ZNF227: variants seen among roughly 807,000 people sequenced by gnomAD.
ZNF227 encodes zinc finger protein 227.
ZNF227 carries 12 observed loss-of-function variants against 13.2 expected under a neutral mutation model. That is an observed-to-expected ratio of 0.91 (90% CI 0.58 to 1.47). The LOEUF is 1.47. Ranked by LOEUF, ZNF227 falls within the 40% of genes most tolerant of loss-of-function variation. ZNF227 has a pLI of 0.00. For synonymous variants in ZNF227, 338 were observed against 326.0 expected (o/e 1.04, Z -0.40); for missense variants, 885 against 967.5 (o/e 0.91, Z 1.13).
At chr19:44,217,529 G>A in intron 2 of ZNF227, 2 of 656,844 alleles carry the variant, frequency 3.0e-6, no homozygotes, top group South Asian at 3.0e-5. Flanking sequence ...GCCCTCATAT[G>A]TTGTTACATT....
In ZNF227 at chr19:44,236,483, G is replaced by GA; in HGVS notation, c.2058dup (p.Pro687ThrfsTer5). 1 of 1,614,030 alleles carries GA rather than the reference G, an allele frequency of 6.2e-7. No individual in the cohort carries two copies. On this transcript the variant is annotated frameshift_variant, in exon 6 of 6. Coordinates refer to ENST00000313040, the MANE Select transcript of ZNF227 (RefSeq NM_182490.3). LOFTEE classifies it low-confidence loss of function (END_TRUNC). ...ATACCATCAGAGAGGCCACACTGGA[G>GA]AAAAACCTTACAAATGTGAAGAGTG...
intron 3 of ZNF227, among the ~76,000 whole-genome samples, chr19:44,223,550 G>A (rs1409026188): frequency 1.1e-4 from 17 of 152,252 alleles, no homozygotes; most frequent in Admixed American, 4.6e-4. Context: ...ATTTATTTGC[G>A]TAGAGGTGTT....
At chr19:44,223,082 G>T (rs1323073043) in intron 3 of ZNF227, among the ~76,000 whole-genome samples, 1 of 152,214 alleles carries the variant, frequency 6.6e-6, no homozygotes. Context: ...ATTTGCGTAT[G>T]TTGAACCAGC....
intron 2 of ZNF227, chr19:44,213,800 A>G (rs1475077848): frequency 1.3e-5 from 2 of 152,198 alleles, no homozygotes; most frequent in South Asian, 2.1e-4. Flanking sequence ...GCACTGATGA[A>G]TTTTGAATTT....
upstream of ZNF227, among the ~76,000 whole-genome samples, chr19:44,212,368 TTTTTTTTTTG>T (rs1435736809): frequency 1.4e-4 from 17 of 122,684 alleles, no homozygotes; most frequent in Admixed American, 1.4e-3. Flanking sequence ...CTCGCTCCGT[TTTTTTTTTTG>T]TTTTTTTTTT....
rs947319051 is a variant in ZNF227 at position 44,235,309 on chromosome 19, A to T, written c.879A>T (p.Gly293=). The change falls in exon 6 of 6, where the codon GGA becomes GGT. Residue 293 remains glycine (G), a synonymous_variant. Transcript: ENST00000313040. ...HLRTHQRIHP[G]EKLNRCHESG... ...GAACTCATCAGAGAATTCACCCAGGAGAGAAACTCAATAGATGTCATGAAT... is the reference window on the plus strand; with the variant it reads ...GAACTCATCAGAGAATTCACCCAGGTGAGAAACTCAATAGATGTCATGAAT... 1.2e-6 allele frequency: 2 copies of T among 1,614,088 alleles called. No individual in the cohort carries two copies. Among genetic ancestry groups the T allele is most frequent in the African/African-American group, 2.7e-5 (2 of 74,940 alleles).
At chr19:44,231,818 A>G (rs1207202341) in intron 5 of ZNF227, among the ~76,000 whole-genome samples, 1 of 152,222 alleles carries the variant, frequency 6.6e-6, no homozygotes, top group Non-Finnish European at 1.5e-5. Flanking sequence ...ATTTTTGGAC[A>G]TGTAAATATT....
intron 2 of ZNF227, 155 bp from the exon 3 acceptor site, chr19:44,217,636 A>G: frequency 2.4e-6 from 2 of 839,656 alleles, no homozygotes; most frequent in South Asian, 2.7e-5. Context: ...CTGAACTATC[A>G]TGCCATTTAG....
chr19:44,215,431 G>A (rs1971772148), intron 2 of ZNF227, among the ~76,000 whole-genome samples: 1 of 148,968 alleles, frequency 6.7e-6, no homozygotes, highest in Non-Finnish European at 1.5e-5. Context: ...TTTTCGTAGT[G>A]TCTTTTAGAA....
intron 3 of ZNF227, 106 bp from the exon 4 acceptor site, chr19:44,228,340 G>A: frequency 7.6e-7 from 1 of 1,324,476 alleles, no homozygotes; most frequent in South Asian, 1.5e-5. Context: ...GAGATCTCTT[G>A]GAATCTATAA....
chr19:44,218,835 A>T (rs532697747), intron 3 of ZNF227, among the ~76,000 whole-genome samples: 1 of 152,242 alleles, frequency 6.6e-6, no homozygotes, highest in East Asian at 1.9e-4. Flanking sequence ...CAGACAGAAC[A>T]AAAGAGTTTT....
At chr19:44,225,973 C>T (rs1379027857) in intron 3 of ZNF227, among the ~76,000 whole-genome samples, 2 of 152,154 alleles carry the variant, frequency 1.3e-5, no homozygotes, top group African/African-American at 4.8e-5. Flanking sequence ...TGTTAGTGTT[C>T]CTTCTAACAG....
In ZNF227 at chr19:44,234,926, A is replaced by AATC. The variant is rs746784064; in HGVS notation, c.498_500dup (p.Asn166_Gln167insHis). The AATC allele has an allele frequency of 1.1e-5, 17 of 1,613,040 alleles. No homozygotes were observed. The Admixed American group carries it at 2.8e-4, about 27-fold the overall frequency. On this transcript the variant is annotated inframe_insertion, in exon 6 of 6. Transcript: ENST00000313040. ...AGGAGATAGCTCTATTTATATTGAAAATCAAGAGTTTCCATTTTGGAGAAC... is the reference window on the plus strand; with the variant it reads ...AGGAGATAGCTCTATTTATATTGAAAATCATCAAGAGTTTCCATTTTGGAGAAC...
chr19:44,226,579 T>G (rs544070923), intron 3 of ZNF227, among the ~76,000 whole-genome samples: 4 of 152,302 alleles, frequency 2.6e-5, no homozygotes, highest in Non-Finnish European at 4.4e-5. Context: ...CTCCGAGCCA[T>G]GTGCAGGATA....
At chr19:44,212,319 G>A (rs1005826325), upstream of ZNF227, among the ~76,000 whole-genome samples, 12 of 150,264 alleles carry the variant, frequency 8.0e-5, no homozygotes, top group Non-Finnish European at 1.6e-4. Context: ...CGGGAGCTCC[G>A]AGAATTTTGT....
At chr19:44,224,019 T>C (rs1972827223) in intron 3 of ZNF227, among the ~76,000 whole-genome samples, 1 of 152,242 alleles carries the variant, frequency 6.6e-6, no homozygotes, top group Non-Finnish European at 1.5e-5. Context: ...CATTTTGTTA[T>C]ATACCCAGTA....
At chr19:44,212,673 A>C (rs370744844) in intron 1 of ZNF227, 88 bp downstream of exon 1, 2 of 151,998 alleles carry the variant, frequency 1.3e-5, no homozygotes, top group East Asian at 3.9e-4. Context: ...CAGTCTTGGG[A>C]TGGAGAGGTC....
chr19:44,220,570 C>T (rs2051059), intron 3 of ZNF227, among the ~76,000 whole-genome samples: 66,591 of 151,886 alleles, frequency 0.44, 16,356 homozygotes, highest in South Asian at 0.64. Flanking sequence ...TCTCACCCAG[C>T]CCCATGTGGC....
chr19:44,221,141 G>C (rs1972462445), intron 3 of ZNF227, among the ~76,000 whole-genome samples: 1 of 151,998 alleles, frequency 6.6e-6, no homozygotes, highest in African/African-American at 2.4e-5. Flanking sequence ...CTTTATAGCA[G>C]CATGATTTAT....
Sources: gnomAD v4.1 joint callset for allele counts (sites outside exome capture counted in the v4.1 genomes callset) on GRCh38, gnomAD v4.1.1 for gene constraint, MANE v1.5 for transcripts, NCBI Gene and HGNC (gene_info 2026-07-23, HGNC 2026-07-21) for gene names.